WDR86: variants seen among roughly 807,000 people sequenced by gnomAD.
WDR86 encodes WD repeat domain 86, also known as WD repeat-containing protein 86.
A neutral mutation model predicts 36.5 loss-of-function variants in WDR86; 30 were observed. The ratio of observed to expected loss-of-function variants is 0.82; its 90% CI spans 0.61 to 1.11. WDR86 has a LOEUF of 1.11. WDR86 is among the 50% of genes most tolerant of loss of function. The pLI, the probability that WDR86 is intolerant of heterozygous loss-of-function variation, is 0.00. For missense variants in WDR86, 545 were observed against 561.2 expected, an observed-to-expected ratio of 0.97 and a Z score of 0.29; for synonymous variants, 255 against 252.9, an observed-to-expected ratio of 1.01 and a Z score of -0.08.
chr7:151,408,590 G>C, intron 1 of WDR86: 1 of 235,048 alleles, frequency 4.3e-6, no homozygotes, highest in Admixed American at 4.6e-5. Context: ...AGGCCACAGA[G>C]AGTTCACTGA....
In WDR86 at chr7:151,400,261, GA is replaced by G; in HGVS notation, c.164-21del. 6.3e-7 allele frequency: 1 copy of G among 1,576,126 alleles called. No homozygotes were observed. Among genetic ancestry groups the G allele is most frequent in the South Asian group, 1.2e-5 (1 of 84,584 alleles). On this transcript the variant is annotated intron_variant, in intron 1 of 5. Transcript: ENST00000334493. The stretch of plus-strand genomic sequence containing the variant: ...CATGTCCTGCAGATGAGGGACAGGG[GA>G]GATGTGAGCGTACTGGGGATGCCAG...
At chr7:151,376,882 G>A (rs1418846376), downstream of WDR86, 1 of 1,497,058 alleles carries the variant, frequency 6.7e-7, no homozygotes, top group African/African-American at 1.4e-5. Context: ...GTGGCCCTAA[G>A]CCACGGCAGA....
At chr7:151,374,243 G>A, downstream of WDR86, 2 of 1,553,422 alleles carry the variant, frequency 1.3e-6, no homozygotes, top group East Asian at 4.9e-5. Flanking sequence ...AGGCCCTGAA[G>A]GTAGCAGCTC....
At chr7:151,371,449 T>G (rs987212577), downstream of WDR86, among the ~76,000 whole-genome samples, 3 of 142,850 alleles carry the variant, frequency 2.1e-5, no homozygotes, top group African/African-American at 7.8e-5. Context: ...ATCCTGAGCT[T>G]CTTGTGATTG....
chr7:151,404,537 G>C (rs886513962), intron 1 of WDR86, among the ~76,000 whole-genome samples: 2 of 152,192 alleles, frequency 1.3e-5, no homozygotes, highest in Non-Finnish European at 2.9e-5. Flanking sequence ...GCGGAACCAG[G>C]CCTGCCACCC....
At chr7:151,386,805 G>A (rs1216751336) in intron 3 of WDR86, among the ~76,000 whole-genome samples, 2 of 152,066 alleles carry the variant, frequency 1.3e-5, no homozygotes, top group Admixed American at 1.3e-4. Flanking sequence ...AGCTTCCCTG[G>A]CCCTATATCC....
intron 3 of WDR86, among the ~76,000 whole-genome samples, chr7:151,393,812 C>T (rs1022851927): frequency 6.6e-6 from 1 of 152,100 alleles, no homozygotes; most frequent in Non-Finnish European, 1.5e-5. Context: ...CTCACGGGAA[C>T]CCTGGGAGAC....
downstream of WDR86, chr7:151,375,872 T>C (rs1237879492): frequency 6.2e-7 from 1 of 1,612,430 alleles, no homozygotes; most frequent in Admixed American, 1.7e-5. Flanking sequence ...TCCTCAGATG[T>C]GGTGGTTAAA....
At position 151,401,516 on chromosome 7, in the gene WDR86, C is replaced by T. The variant is rs1466110633; in HGVS notation, c.164-1275G>A. On this transcript the variant is annotated intron_variant, in intron 1 of 5. Coordinates refer to ENST00000334493, the MANE Select transcript of WDR86 (RefSeq NM_198285.3). This position sits in a 1 kb window ranked among gnomAD's most constrained non-coding sequence, Gnocchi z 4.3. ...CACCTGGGATGGGGACAATGCCTGC[C>T]TCACGGGATGTAGCGCAGACTGAGG... Among the ~76,000 whole-genome samples the T allele has an allele frequency of 6.6e-6, 1 of 152,140 alleles. No individual in the cohort carries two copies. Among genetic ancestry groups the T allele is most frequent in the Non-Finnish European group, 1.5e-5 (1 of 68,038 alleles).
At position 151,381,829 on chromosome 7, in the gene WDR86, C is replaced by T; in HGVS notation, c.966+49G>A. On this transcript the variant is annotated intron_variant, in intron 5 of 5. Coordinates refer to ENST00000334493, the MANE Select transcript of WDR86 (RefSeq NM_198285.3). This position sits in a 1 kb window ranked among gnomAD's most constrained non-coding sequence, Gnocchi z 4.8. ...CCCGCGTGGATGGATCGGGGCGGGG[C>T]ACCTTCCCTCCCACGGGCGGCGGCC... The T allele has an allele frequency of 1.3e-6, 2 of 1,549,804 alleles. No individual in the cohort carries two copies. The highest frequency in any genetic ancestry group is 1.2e-5 in the South Asian group (1 of 84,488).
chr7:151,397,752 GTAGCGGGAGGAAGAGGGCGTAGCA>G (rs1799955656), intron 2 of WDR86, among the ~76,000 whole-genome samples: 1 of 94,824 alleles, frequency 1.1e-5, no homozygotes, highest in African/African-American at 3.7e-5. Flanking sequence ...GGAAGAGGGT[GTAGCGGGAGGAAGAGGGCGTAGCA>G]GGAGGAAGGG....
chr7:151,369,951 C>T, the WDR86 span, among the ~76,000 whole-genome samples: 4 of 152,256 alleles, frequency 2.6e-5, no homozygotes, highest in South Asian at 2.1e-4. Flanking sequence ...GGGTTCATTC[C>T]GTGGTGAGCA....
intron 4 of WDR86, among the ~76,000 whole-genome samples, chr7:151,382,322 C>T (rs993058281): frequency 6.6e-6 from 1 of 152,182 alleles, no homozygotes; most frequent in African/African-American, 2.4e-5. Flanking sequence ...TCGCTTCCCC[C>T]CTACCTTCCG....
chr7:151,370,902 CT>C, the WDR86 span, among the ~76,000 whole-genome samples: 1 of 152,206 alleles, frequency 6.6e-6, no homozygotes, highest in Non-Finnish European at 1.5e-5. Flanking sequence ...GTTCTCATCA[CT>C]GTATAAGACT....
At chr7:151,403,487 AC>A (rs1800480287) in intron 1 of WDR86, among the ~76,000 whole-genome samples, 1 of 152,034 alleles carries the variant, frequency 6.6e-6, no homozygotes, top group Non-Finnish European at 1.5e-5. Context: ...ATTCACATCC[AC>A]CCCTTCCCCC....
intron 3 of WDR86, among the ~76,000 whole-genome samples, chr7:151,393,868 G>A (rs1263945543): frequency 1.3e-5 from 2 of 152,330 alleles, no homozygotes; most frequent in East Asian, 1.9e-4. Context: ...TAAGGACACG[G>A]AGGGAGGGCC....
chr7:151,376,094 A>G, exon 2 of WDR86: 1 of 630,636 alleles, frequency 1.6e-6, no homozygotes, highest in Non-Finnish European at 2.9e-6. Context: ...CTCAGAGGCC[A>G]CCCACGCAGT....
chr7:151,372,942 A>G (rs1798029175), downstream of WDR86, among the ~76,000 whole-genome samples: 1 of 152,164 alleles, frequency 6.6e-6, no homozygotes, highest in African/African-American at 2.4e-5. Context: ...GAGACAGGCC[A>G]TGAGTCTACA....
intron 3 of WDR86, among the ~76,000 whole-genome samples, chr7:151,391,454 CAAGGGAAGAGA>C (rs1799435335): frequency 6.6e-6 from 1 of 152,182 alleles, no homozygotes; most frequent in Admixed American, 6.5e-5. Flanking sequence ...AAATCATATA[CAAGGGAAGAGA>C]AAGGCAAGAT....
Sources: gnomAD v4.1 joint callset for allele counts (sites outside exome capture counted in the v4.1 genomes callset) on GRCh38, gnomAD v4.1.1 for gene constraint, Gnocchi (gnomAD v3.1) non-coding constraint, MANE v1.5 for transcripts, NCBI Gene and HGNC (gene_info 2026-07-23, HGNC 2026-07-21) for gene names.